Variants in LRCH3 observed in about 807,000 individuals in gnomAD.
The protein encoded by LRCH3 is DISP complex protein LRCH3.
In LRCH3, 68 loss-of-function variants were observed where a neutral mutation model predicts 104.5. The ratio of observed to expected loss-of-function variants is 0.65; its 90% CI spans 0.54 to 0.80. LRCH3 has a LOEUF of 0.80. Ranked by LOEUF, LRCH3 falls within the 30% of genes least tolerant of loss-of-function variation. LRCH3 has a pLI of 0.00. For synonymous variants in LRCH3, 344 were observed against 361.3 expected, an observed-to-expected ratio of 0.95 and a Z score of 0.54; for missense variants, 951 against 953.9, an observed-to-expected ratio of 1.00 and a Z score of 0.04.
At chr3:197,839,532 T>G in intron 10 of LRCH3, 135 bp downstream of exon 10, 1 of 526,952 alleles carries the variant, frequency 1.9e-6, no homozygotes, top group Non-Finnish European at 3.3e-6. Context: ...ACGGTGTGCT[T>G]TTTTGTACTC....
At position 197,793,345 on chromosome 3, in the gene LRCH3, C is replaced by G. The variant is rs77710899; in HGVS notation, c.262+1805C>G. Reference sequence around the variant, plus strand: ...TTTTTTAGTGATTTAAAGTTTCTTGCTAAGGTAAATATGAGCAGCCACTTT... The same window carrying G: ...TTTTTTAGTGATTTAAAGTTTCTTGGTAAGGTAAATATGAGCAGCCACTTT... On this transcript the variant is annotated intron_variant, in intron 1 of 20. Transcript: ENST00000425562. 3.5e-3 allele frequency among the ~76,000 whole-genome samples: 526 copies of G among 152,252 alleles called. 2 individuals carry two copies. Among genetic ancestry groups the G allele is most frequent in the African/African-American group, 0.012 (508 of 41,546 alleles).
intron 3 of LRCH3, among the ~76,000 whole-genome samples, chr3:197,820,005 C>G (rs1234808406): frequency 6.6e-6 from 1 of 152,242 alleles, no homozygotes; most frequent in Non-Finnish European, 1.5e-5. Flanking sequence ...CCACCATACT[C>G]CGCAGCAAGC....
intron 1 of LRCH3, among the ~76,000 whole-genome samples, chr3:197,801,091 T>A (rs1731840068): frequency 2.2e-5 from 1 of 45,974 alleles, no homozygotes; most frequent in South Asian, 1.1e-3. Context: ...TGAGACTCCA[T>A]CTCAAAAAAA....
intron 6 of LRCH3, 140 bp from the exon 7 acceptor site, chr3:197,830,630 A>T (rs1580695480): frequency 1.6e-6 from 1 of 617,010 alleles, no homozygotes; most frequent in East Asian, 2.9e-5. Context: ...AATTTTTCAT[A>T]TTAAAAAATT....
At chr3:197,881,361 C>T in intron 20 of LRCH3, 3 of 988,416 alleles carry the variant, frequency 3.0e-6, no homozygotes, top group Non-Finnish European at 3.6e-6. Flanking sequence ...AGATCACCCA[C>T]ATTCCCTAGA....
chr3:197,801,735 C>T (rs1056559534), intron 1 of LRCH3, among the ~76,000 whole-genome samples: 1 of 152,168 alleles, frequency 6.6e-6, no homozygotes, highest in Non-Finnish European at 1.5e-5. Context: ...TGCTAAATAG[C>T]AAATTATTAC....
chr3:197,824,226 A>G (rs1340736524), intron 4 of LRCH3, among the ~76,000 whole-genome samples: 2 of 151,582 alleles, frequency 1.3e-5, no homozygotes, highest in Non-Finnish European at 2.9e-5. Context: ...CACCATGCCC[A>G]GCTAATTTTT....
intron 5 of LRCH3, among the ~76,000 whole-genome samples, chr3:197,827,620 A>G (rs991389759): frequency 6.6e-6 from 1 of 152,224 alleles, no homozygotes; most frequent in Non-Finnish European, 1.5e-5. Flanking sequence ...TAATGTTTCC[A>G]GAAGTATTTT....
rs9325411 is a variant in LRCH3, at chr3:197,856,528, G to A, written c.1644+2083G>A. ...CAGCCTCTTGAGTAGCTGGGACTAC[G>A]GGTGCATGCACCACACGTGGCTAAT... is the stretch of plus-strand genomic sequence containing the variant. On this transcript the variant is annotated intron_variant, in intron 14 of 20. Transcript: ENST00000425562. This position sits in a 1 kb window ranked among gnomAD's most constrained non-coding sequence, Gnocchi z 4.2. 0.66 allele frequency among the ~76,000 whole-genome samples: 100,671 copies of A among 151,804 alleles called. 34,350 individuals carry two copies. The highest frequency in any genetic ancestry group is 0.83 in the African/African-American group (34,439 of 41,450).
At chr3:197,874,189 T>C (rs1712585549) in intron 19 of LRCH3, among the ~76,000 whole-genome samples, 1 of 152,188 alleles carries the variant, frequency 6.6e-6, no homozygotes, top group Admixed American at 6.5e-5. Context: ...TGTGGCCTGT[T>C]AGGAACTGGG....
intron 3 of LRCH3, among the ~76,000 whole-genome samples, chr3:197,819,139 A>G (rs995985367): frequency 6.6e-6 from 1 of 151,858 alleles, no homozygotes; most frequent in Non-Finnish European, 1.5e-5. Context: ...AAAAAAAAAA[A>G]AAAGAAAAAA....
At chr3:197,792,922 G>A (rs964661252) in intron 1 of LRCH3, among the ~76,000 whole-genome samples, 2 of 151,976 alleles carry the variant, frequency 1.3e-5, no homozygotes, top group Non-Finnish European at 2.9e-5. Flanking sequence ...AAAGTGCTGG[G>A]ATTACAGGCG....
chr3:197,831,795 T>TG (rs1221336951), intron 7 of LRCH3, among the ~76,000 whole-genome samples: 2 of 150,688 alleles, frequency 1.3e-5, no homozygotes, highest in Non-Finnish European at 2.9e-5. Flanking sequence ...TTAAAAAAAA[T>TG]TTTTTTTTAG....
intron 8 of LRCH3, among the ~76,000 whole-genome samples, chr3:197,835,066 C>T (rs903982934): frequency 2.0e-5 from 3 of 152,138 alleles, no homozygotes; most frequent in East Asian, 1.9e-4. Context: ...ATCGCTTGAA[C>T]GTGAGAAGCA....
In LRCH3 at chr3:197,885,622, A is replaced by G. The variant is rs2109593858; in HGVS notation, c.*1956A>G. On this transcript the variant is annotated 3_prime_UTR_variant, in exon 21 of 21. Coordinates refer to ENST00000425562, the MANE Select transcript of LRCH3 (RefSeq NM_001365715.1). Reference sequence around the variant, plus strand: ...CGAAATTCCATCTCAAAAAAAGAAAACGCGCCCCATCTCGCTCCACCACAA... The same window carrying G: ...CGAAATTCCATCTCAAAAAAAGAAAGCGCGCCCCATCTCGCTCCACCACAA... The G allele has an allele frequency of 6.6e-6, 1 of 152,260 alleles. No individual in the cohort carries two copies. The highest frequency in any genetic ancestry group is 6.5e-5 in the Admixed American group (1 of 15,288). 9.4% of individuals were successfully genotyped at this position (152,260 alleles called of 1,614,324 possible).
intron 20 of LRCH3, chr3:197,875,999 G>A (rs1712846817): frequency 2.9e-6 from 1 of 342,076 alleles, no homozygotes; most frequent in East Asian, 4.8e-5. Flanking sequence ...ATAAGTATAA[G>A]TAATTTGAAA....
At chr3:197,862,395 AT>A (rs1560590654) in intron 15 of LRCH3, among the ~76,000 whole-genome samples, 2 of 152,072 alleles carry the variant, frequency 1.3e-5, no homozygotes, top group African/African-American at 2.4e-5. Flanking sequence ...TTCTCCTTTT[AT>A]TCCTTAATAC....
chr3:197,855,227 G>T (rs1324396064), intron 14 of LRCH3, among the ~76,000 whole-genome samples: 1 of 152,188 alleles, frequency 6.6e-6, no homozygotes, highest in African/African-American at 2.4e-5. Flanking sequence ...AGCTTCCGTG[G>T]TCTGTTCGCA....
chr3:197,795,686 GTT>G (rs1167369678), intron 1 of LRCH3, among the ~76,000 whole-genome samples: 220 of 65,776 alleles, frequency 3.3e-3, no homozygotes, highest in Middle Eastern at 0.014. Context: ...AAAAGTTGTT[GTT>G]TTTTTTTTTT....
Sources: allele counts gnomAD v4.1 joint callset (sites outside exome capture counted in the v4.1 genomes callset), GRCh38; gene constraint gnomAD v4.1.1; non-coding constraint Gnocchi (gnomAD v3.1); transcripts MANE v1.5; gene names NCBI Gene and HGNC (gene_info 2026-07-23, HGNC 2026-07-21).